ARHGAP28: variants seen among roughly 807,000 people sequenced by gnomAD.
The protein encoded by ARHGAP28 is Rho GTPase activating protein 28.
ARHGAP28 carries 56 observed loss-of-function variants against 90.7 expected under a neutral mutation model. The ratio of observed to expected loss-of-function variants is 0.62; its 90% confidence interval spans 0.50 to 0.77. ARHGAP28 has a LOEUF of 0.77. ARHGAP28 is among the 30% of genes least tolerant of loss of function. ARHGAP28 has a pLI of 0.00. For synonymous variants in ARHGAP28, 308 were observed against 323.3 expected (o/e 0.95, Z 0.51); for missense variants, 869 against 900.9 (o/e 0.96, Z 0.45).
At position 6,909,300 on chromosome 18, in the gene ARHGAP28, CTTTTTT is replaced by C. The variant is rs11285854; in HGVS notation, c.2095+281_2095+286del. Among the ~76,000 whole-genome samples the C allele has an allele frequency of 5.9e-4, 72 of 122,042 alleles. No individual in the cohort carries two copies. In the Middle Eastern group the frequency reaches 0.021, roughly 35 times the overall value. 80.1% of individuals were successfully genotyped at this position (122,042 alleles called of 152,430 possible). The stretch of plus-strand genomic sequence containing the variant: ...CTTTTCTTTTCTTTTCTTTTCTTTT[CTTTTTT>C]TTTTGAGACAGAATCTTGCTCTGTT... On this transcript the variant is annotated intron_variant, in intron 17 of 17. Transcript: ENST00000383472.
intron 1 of ARHGAP28, among the ~76,000 whole-genome samples, chr18:6,737,604 G>A (rs1417919247): frequency 6.6e-6 from 1 of 152,110 alleles, no homozygotes; most frequent in Non-Finnish European, 1.5e-5. Flanking sequence ...GTTTCTTTGA[G>A]AGTCCTTTTT....
chr18:6,892,957 G>C (rs2057277684), intron 14 of ARHGAP28, among the ~76,000 whole-genome samples: 1 of 152,182 alleles, frequency 6.6e-6, no homozygotes, highest in Non-Finnish European at 1.5e-5. Flanking sequence ...GTTTTCAGCT[G>C]TTTCTCAATC....
intron 10 of ARHGAP28, among the ~76,000 whole-genome samples, chr18:6,878,442 A>G (rs953829141): frequency 6.6e-6 from 1 of 151,806 alleles, no homozygotes; most frequent in Non-Finnish European, 1.5e-5. Flanking sequence ...ACATGTATAC[A>G]TATGTAACTA....
chr18:6,771,675 A>G (rs1210657993), intron 1 of ARHGAP28, among the ~76,000 whole-genome samples: 1 of 152,234 alleles, frequency 6.6e-6, no homozygotes, highest in East Asian at 1.9e-4. Context: ...ACTGGATTCA[A>G]GCAATAATGT....
intron 16 of ARHGAP28, among the ~76,000 whole-genome samples, chr18:6,901,715 T>C (rs1183245537): frequency 6.6e-6 from 1 of 152,152 alleles, no homozygotes; most frequent in Non-Finnish European, 1.5e-5. Flanking sequence ...GCAACTATGA[T>C]AAATTATCAG....
At chr18:6,871,118 T>TAG (rs1223416337) in intron 7 of ARHGAP28, among the ~76,000 whole-genome samples, 1 of 152,216 alleles carries the variant, frequency 6.6e-6, no homozygotes, top group Non-Finnish European at 1.5e-5. Context: ...TTTTTTTAAA[T>TAG]ATCTGTGTGT....
At chr18:6,742,643 C>T (rs2055989436) in intron 1 of ARHGAP28, among the ~76,000 whole-genome samples, 1 of 152,064 alleles carries the variant, frequency 6.6e-6, no homozygotes, top group African/African-American at 2.4e-5. Flanking sequence ...AAGTTGGAAG[C>T]CTAGGAGGGA....
intron 3 of ARHGAP28, among the ~76,000 whole-genome samples, chr18:6,840,638 C>T (rs550140758): frequency 6.6e-6 from 1 of 152,224 alleles, no homozygotes; most frequent in South Asian, 2.1e-4. Context: ...TGAGGAATGG[C>T]CCAGGGTTCT....
intron 1 of ARHGAP28, among the ~76,000 whole-genome samples, chr18:6,782,028 T>G (rs1305636796): frequency 1.3e-5 from 2 of 152,082 alleles, no homozygotes; most frequent in Admixed American, 1.3e-4. Context: ...CAAGCTATCA[T>G]ATTATCCTGG....
At chr18:6,860,496 A>T (rs2056989015) in intron 5 of ARHGAP28, among the ~76,000 whole-genome samples, 1 of 152,266 alleles carries the variant, frequency 6.6e-6, no homozygotes, top group Admixed American at 6.5e-5. Flanking sequence ...GGAGGATATG[A>T]TAGACCCTCC....
At chr18:6,757,473 A>T (rs1035348438) in intron 1 of ARHGAP28, among the ~76,000 whole-genome samples, 1 of 152,178 alleles carries the variant, frequency 6.6e-6, no homozygotes, top group Admixed American at 6.5e-5. Context: ...GAATTCTAGG[A>T]ACATACCGAC....
At position 6,912,727 on chromosome 18, in the gene ARHGAP28, A is replaced by G; in HGVS notation, c.*573A>G. The G allele has an allele frequency of 6.6e-6, 1 of 152,212 alleles. No homozygotes were observed. The highest frequency in any genetic ancestry group is 1.9e-4 in the East Asian group (1 of 5,190). 9.4% of individuals were successfully genotyped at this position (152,212 alleles called of 1,614,324 possible). On this transcript the variant is annotated 3_prime_UTR_variant, in exon 18 of 18. Transcript: ENST00000383472. ...GAGGAAGAACTTCTGTTTACAGAAA[A>G]CTGTATTGTTATATATGTCAGGCTG...
chr18:6,827,799 G>T (rs1313540917), intron 2 of ARHGAP28, among the ~76,000 whole-genome samples: 1 of 152,042 alleles, frequency 6.6e-6, no homozygotes, highest in Non-Finnish European at 1.5e-5. Context: ...GGGCGGCCGG[G>T]CAGAGACGCT....
chr18:6,898,270 G>C lies in ARHGAP28; in HGVS notation c.2030+1644G>C, dbSNP rs1201852792. 8 of 473,166 alleles carry C rather than the reference G, an allele frequency of 1.7e-5. No individual in the cohort carries two copies. In the East Asian group the frequency reaches 2.8e-4, roughly 17 times the overall value. 29.3% of individuals were successfully genotyped at this position (473,166 alleles called of 1,614,324 possible). A position where few individuals can be genotyped will look rare whatever the true frequency, so the allele number is the denominator to read the frequency against. Reference sequence around the variant, plus strand: ...GGAGGAAGGCATAGTGACCAGGAAGGCATGCTGATGGCCTCAAACGTTTTT... The same window carrying C: ...GGAGGAAGGCATAGTGACCAGGAAGCCATGCTGATGGCCTCAAACGTTTTT... On this transcript the variant is annotated intron_variant, in intron 16 of 17. Transcript: ENST00000383472.
At chr18:6,872,983 C>T (rs2057101651) in intron 7 of ARHGAP28, among the ~76,000 whole-genome samples, 1 of 151,908 alleles carries the variant, frequency 6.6e-6, no homozygotes, top group South Asian at 2.1e-4. Context: ...AGATTGACTG[C>T]CCAAGAAGGA....
intron 5 of ARHGAP28, among the ~76,000 whole-genome samples, chr18:6,864,520 C>A (rs1481037220): frequency 6.6e-6 from 1 of 152,126 alleles, no homozygotes; most frequent in Non-Finnish European, 1.5e-5. Flanking sequence ...TACACATATA[C>A]ATGCATACAC....
intron 3 of ARHGAP28, among the ~76,000 whole-genome samples, chr18:6,839,380 G>T (rs111838281): frequency 6.8e-6 from 1 of 147,240 alleles, no homozygotes; most frequent in Non-Finnish European, 1.5e-5. Context: ...TGCAAGCTCC[G>T]CCTCCCGGGT....
chr18:6,806,838 A>T (rs2143660698), intron 1 of ARHGAP28, among the ~76,000 whole-genome samples: 1 of 152,200 alleles, frequency 6.6e-6, no homozygotes, highest in Non-Finnish European at 1.5e-5. Context: ...ATGTCTGAAA[A>T]AAACCTTATT....
At chr18:6,898,910 A>C (rs541653819) in intron 16 of ARHGAP28, among the ~76,000 whole-genome samples, 4 of 151,698 alleles carry the variant, frequency 2.6e-5, no homozygotes, top group African/African-American at 9.8e-5. Flanking sequence ...GGTGAGGGAT[A>C]AAAGACTATA....
Sources: allele counts gnomAD v4.1 joint callset (sites outside exome capture counted in the v4.1 genomes callset), GRCh38; gene constraint gnomAD v4.1.1; transcripts MANE v1.5; gene names NCBI Gene and HGNC (gene_info 2026-07-23, HGNC 2026-07-21).